Variants in TMEFF1 observed in about 807,000 individuals in gnomAD.
TMEFF1 encodes the protein transmembrane protein with EGF like and two follistatin like domains 1, also known as tomoregulin-1.
Under a neutral mutation model 47.5 loss-of-function variants are expected in TMEFF1, and 20 were observed. The ratio of observed to expected loss-of-function variants is 0.42; its 90% confidence interval spans 0.30 to 0.61. The LOEUF (loss-of-function observed/expected upper bound fraction) is 0.61. Ranked by LOEUF, TMEFF1 falls within the 20% of genes least tolerant of loss-of-function variation. TMEFF1 has a pLI of 0.19. For synonymous variants in TMEFF1, 162 were observed against 166.3 expected (o/e 0.97, Z 0.20); for missense variants, 411 against 471.1 (o/e 0.87, Z 1.18).
intron 1 of TMEFF1, among the ~76,000 whole-genome samples, chr9:100,482,201 TTTC>T (rs1263236598): frequency 4.6e-5 from 7 of 151,638 alleles, no homozygotes; most frequent in Non-Finnish European, 7.4e-5. Flanking sequence ...CTTTCTTTCT[TTTC>T]TTTTTTTTTT....
intron 7 of TMEFF1, among the ~76,000 whole-genome samples, chr9:100,550,866 A>G (rs1838818208): frequency 6.6e-6 from 1 of 152,226 alleles, no homozygotes; most frequent in South Asian, 2.1e-4. Context: ...TTTTATTTAC[A>G]CAAGGTCTCA....
intron 1 of TMEFF1, among the ~76,000 whole-genome samples, chr9:100,477,717 C>T (rs1264949264): frequency 6.7e-6 from 1 of 148,382 alleles, no homozygotes; most frequent in Non-Finnish European, 1.5e-5. Flanking sequence ...CCTCTGCCTT[C>T]CAGGTTCAAC....
chr9:100,516,821 G>A (rs1838082415), intron 5 of TMEFF1, 50 bp downstream of exon 5: 1 of 1,581,028 alleles, frequency 6.3e-7, no homozygotes, highest in Non-Finnish European at 8.6e-7. Context: ...TTAATCATCA[G>A]TATGATTATA....
intron 1 of TMEFF1, among the ~76,000 whole-genome samples, chr9:100,481,970 C>T (rs546506778): frequency 6.6e-5 from 10 of 151,858 alleles, no homozygotes; most frequent in Admixed American, 5.3e-4. Flanking sequence ...TTAGTAAAGA[C>T]GGGGTTTCAC....
chr9:100,477,708 C>T (rs1158377812), intron 1 of TMEFF1, among the ~76,000 whole-genome samples: 2 of 149,366 alleles, frequency 1.3e-5, no homozygotes, highest in East Asian at 4.0e-4. Context: ...TCACTGTAAC[C>T]TCTGCCTTCC....
rs528606189 is a variant in TMEFF1, at chr9:100,499,007, T to G, written c.306+133T>G. The G allele has an allele frequency of 7.1e-4, 580 of 814,888 alleles. 5 individuals carry two copies. In the African/African-American group the frequency reaches 8.6e-3, roughly 12 times the overall value. The allele number at this position is 814,888 out of a possible 1,614,324, so 50.5% of individuals were successfully genotyped here. On this transcript the variant is annotated intron_variant, in intron 2 of 9. Transcript: ENST00000374879. ...GGGGTCACAGCCCCTCAGTTCTTTT[T>G]TGTCAGATGATGCCCTGTTATTTGT...
chr9:100,568,667 T>G (rs1470174851), intron 8 of TMEFF1, among the ~76,000 whole-genome samples: 1 of 151,508 alleles, frequency 6.6e-6, no homozygotes, highest in Non-Finnish European at 1.5e-5. Context: ...CAATCAATTT[T>G]AGTACATTTT....
At chr9:100,518,486 G>T in intron 5 of TMEFF1, 1 of 985,442 alleles carries the variant, frequency 1.0e-6, no homozygotes, top group Non-Finnish European at 1.2e-6. Flanking sequence ...TAAGGAGCAT[G>T]CAGGCTCTTA....
intron 6 of TMEFF1, among the ~76,000 whole-genome samples, chr9:100,548,128 A>G (rs544753629): frequency 7.2e-5 from 11 of 152,086 alleles, no homozygotes; most frequent in African/African-American, 2.6e-4. Context: ...CTTGGTTGCT[A>G]GCTGATCCTA....
intron 1 of TMEFF1, among the ~76,000 whole-genome samples, chr9:100,485,742 T>C (rs1489562948): frequency 2.0e-5 from 3 of 152,220 alleles, no homozygotes; most frequent in Non-Finnish European, 2.9e-5. Context: ...TATTATTAGC[T>C]TCTTGAGCAT....
rs1839268376 is a variant in TMEFF1 at position 100,572,568 on chromosome 9, T to C, written c.950T>C (p.Ile317Thr). ...GQHCEKTDFS[I>T]LYVVPSRQKL... ...CACTGTGAAAAGACAGACTTTAGTA[T>C]TCTCTATGTAGTGCCAAGTAGGCAA... is the stretch of plus-strand genomic sequence containing the variant. Residue 317 changes from isoleucine to threonine, a missense_variant, in exon 9 of 10, where the codon ATT becomes ACT. Physicochemically the swap from Ile to Thr is moderately conservative, Grantham distance 89. Coordinates refer to ENST00000374879, the MANE Select transcript of TMEFF1 (RefSeq NM_003692.5). 1 of 1,613,480 alleles carries C rather than the reference T, an allele frequency of 6.2e-7. No homozygotes were observed. The highest frequency in any genetic ancestry group is 2.2e-5 in the East Asian group (1 of 44,820).
At position 100,561,463 on chromosome 9, in the gene TMEFF1, G is replaced by T; in HGVS notation, c.842G>T (p.Gly281Val). ...ATGCCTTGCCCTGAAAACCTCAATG[G>T]TTACTGCATCCATGGAAAATGTGAA... is the stretch of plus-strand genomic sequence containing the variant. ...NHMPCPENLN[G>V]YCIHGKCEFI... is the part of the protein sequence containing the mutation. The change falls in exon 8 of 10, where the codon GGT (glycine) becomes GTT (valine). Residue 281 changes from glycine (G) to valine (V), a missense_variant. By Grantham distance (109) the Gly-to-Val change is moderately radical. Coordinates refer to ENST00000374879, the MANE Select transcript of TMEFF1 (RefSeq NM_003692.5). The T allele has an allele frequency of 8.7e-6, 14 of 1,613,818 alleles. 1 individual carries two copies. The South Asian group carries it at 9.9e-5, about 11-fold the overall frequency.
rs114297578 is a variant in TMEFF1, at chr9:100,521,183, G to A, written c.560+4412G>A. ...AGTGCGTGAACTTTATTCATTGTAT[G>A]TGTTTTATCTGTCTTGTCTGCTCAA... is the stretch of plus-strand genomic sequence containing the variant. On this transcript the variant is annotated intron_variant, in intron 5 of 9. Coordinates refer to ENST00000374879, the MANE Select transcript of TMEFF1 (RefSeq NM_003692.5). Among the ~76,000 whole-genome samples, 690 of 152,292 alleles carry A rather than the reference G, an allele frequency of 4.5e-3. 6 individuals are homozygous for A. Among genetic ancestry groups the A allele is most frequent in the African/African-American group, 0.015 (640 of 41,564 alleles).
At chr9:100,477,174 T>C (rs1413835010) in intron 1 of TMEFF1, among the ~76,000 whole-genome samples, 5 of 152,196 alleles carry the variant, frequency 3.3e-5, no homozygotes, top group African/African-American at 1.2e-4. Context: ...TATGGCTTCA[T>C]TAAATTAATA....
At chr9:100,515,100 A>G (rs375472127) in intron 4 of TMEFF1, among the ~76,000 whole-genome samples, 1 of 152,204 alleles carries the variant, frequency 6.6e-6, no homozygotes, top group South Asian at 2.1e-4. Context: ...CAGGAGGTTG[A>G]GGCTGCAGTG....
chr9:100,504,634 T>C (rs1343375312), intron 2 of TMEFF1, among the ~76,000 whole-genome samples: 2 of 152,200 alleles, frequency 1.3e-5, no homozygotes, highest in East Asian at 3.8e-4. Context: ...ATAACAACTT[T>C]GTTAGGTAGG....
chr9:100,515,046 G>A (rs1838039136), intron 4 of TMEFF1, among the ~76,000 whole-genome samples: 1 of 151,726 alleles, frequency 6.6e-6, no homozygotes, highest in African/African-American at 2.4e-5. Context: ...GTGGTATGTA[G>A]TCTCAGCTAC....
chr9:100,530,028 A>C (rs1319384216), intron 5 of TMEFF1, among the ~76,000 whole-genome samples: 1 of 152,174 alleles, frequency 6.6e-6, no homozygotes, highest in Non-Finnish European at 1.5e-5. Flanking sequence ...AGAAATAAAG[A>C]TGTTCTTTGA....
Position 100,473,965 on chromosome 9 carries a change from T to C in TMEFF1, c.196+225T>C, listed in dbSNP as rs1837170395. ...GGTGCGTCCGAGTGTGTCGAGTGGC[T>C]GGGCGAGGGCGGCCCGGCGTGTGGG... On this transcript the variant is annotated intron_variant, in intron 1 of 9. Transcript: ENST00000374879. This position sits in a 1 kb window ranked among gnomAD's most constrained non-coding sequence, Gnocchi z 5.4. Among the ~76,000 whole-genome samples the C allele has an allele frequency of 1.3e-5, 2 of 150,878 alleles. No homozygotes were observed. Among genetic ancestry groups the C allele is most frequent in the Admixed American group, 6.6e-5 (1 of 15,196 alleles).
Sources: gnomAD v4.1 joint callset for allele counts (sites outside exome capture counted in the v4.1 genomes callset) on GRCh38, gnomAD v4.1.1 for gene constraint, Gnocchi (gnomAD v3.1) non-coding constraint, MANE v1.5 for transcripts, NCBI Gene and HGNC (gene_info 2026-07-23, HGNC 2026-07-21) for gene names.